ATP8A2: variants seen among roughly 807,000 people sequenced by gnomAD.
ATP8A2 encodes the protein phospholipid-transporting ATPase IB.
In ATP8A2, 100 loss-of-function variants were observed where a neutral mutation model predicts 165.6. The ratio of observed to expected loss-of-function variants is 0.60; its 90% CI spans 0.51 to 0.71. ATP8A2 has a LOEUF of 0.71. ATP8A2 is among the 30% of genes least tolerant of loss of function. ATP8A2 has a pLI of 0.00. For missense variants in ATP8A2, 1,227 were observed against 1,479.5 expected (o/e 0.83, Z 2.80); for synonymous variants, 543 against 548.8 (o/e 0.99, Z 0.15).
chr13:25,808,365 G>GA (rs1203162062), intron 27 of ATP8A2, among the ~76,000 whole-genome samples: 1 of 151,924 alleles, frequency 6.6e-6, no homozygotes, highest in Non-Finnish European at 1.5e-5. Flanking sequence ...TTGGGAGGCC[G>GA]AGGAAGGCAG....
chr13:25,647,925 G>C (rs1055358438), intron 24 of ATP8A2, among the ~76,000 whole-genome samples: 1 of 151,968 alleles, frequency 6.6e-6, no homozygotes, highest in Non-Finnish European at 1.5e-5. Context: ...CTGACCTCAG[G>C]TGGTTTGCCT....
intron 16 of ATP8A2, 73 bp downstream of exon 16, chr13:25,564,104 A>G: frequency 2.7e-6 from 3 of 1,108,302 alleles, no homozygotes; most frequent in Non-Finnish European, 2.8e-6. Flanking sequence ...TGCATGTAGT[A>G]TTTTGCAAGT....
intron 30 of ATP8A2, among the ~76,000 whole-genome samples, chr13:25,842,269 T>C (rs1301739982): frequency 1.3e-5 from 2 of 151,818 alleles, no homozygotes; most frequent in Non-Finnish European, 2.9e-5. Context: ...TCAAGCAAAG[T>C]GGGGAAATCA....
At chr13:25,806,120 T>C (rs1249422394) in intron 27 of ATP8A2, among the ~76,000 whole-genome samples, 1 of 152,220 alleles carries the variant, frequency 6.6e-6, no homozygotes, top group East Asian at 1.9e-4. Context: ...GCAGCATGTA[T>C]CCTGAGGTTT....
intron 10 of ATP8A2, among the ~76,000 whole-genome samples, chr13:25,550,722 T>C (rs1021349900): frequency 6.6e-6 from 1 of 152,224 alleles, no homozygotes; most frequent in African/African-American, 2.4e-5. Flanking sequence ...AGGCCCTTCC[T>C]GACTCTTCTT....
At chr13:25,888,476 G>T (rs1953241803) in intron 33 of ATP8A2, among the ~76,000 whole-genome samples, 1 of 152,212 alleles carries the variant, frequency 6.6e-6, no homozygotes, top group African/African-American at 2.4e-5. Context: ...TGGGCAGTAT[G>T]CAGTAACTAA....
intron 30 of ATP8A2, among the ~76,000 whole-genome samples, chr13:25,857,707 A>T (rs975949390): frequency 6.6e-6 from 1 of 151,520 alleles, no homozygotes; most frequent in Non-Finnish European, 1.5e-5. Flanking sequence ...AGTAGCTGGC[A>T]ATTCAGGCAG....
chr13:25,969,472 AAATC>A (rs1955865742), intron 35 of ATP8A2, among the ~76,000 whole-genome samples: 1 of 152,258 alleles, frequency 6.6e-6, no homozygotes, highest in Non-Finnish European at 1.5e-5. Flanking sequence ...GCTTAGAAGG[AAATC>A]AGTAACCAAC....
At chr13:25,442,216 A>G (rs2034950152) in intron 1 of ATP8A2, among the ~76,000 whole-genome samples, 1 of 152,186 alleles carries the variant, frequency 6.6e-6, no homozygotes, top group South Asian at 2.1e-4. Context: ...GTGTACAAAT[A>G]TATCTTTGAA....
At chr13:25,553,644 G>T (rs1237130537) in intron 11 of ATP8A2, 149 bp from the exon 12 acceptor site, 2 of 723,298 alleles carry the variant, frequency 2.8e-6, no homozygotes, top group Non-Finnish European at 4.7e-6. Context: ...GCATTGTGGG[G>T]CCTGTGTGCC....
intron 24 of ATP8A2, among the ~76,000 whole-genome samples, chr13:25,667,726 G>A (rs1259946489): frequency 6.6e-6 from 1 of 151,712 alleles, no homozygotes; most frequent in East Asian, 1.9e-4. Context: ...AACCTTTTAT[G>A]CCTGGCTGCT....
intron 33 of ATP8A2, among the ~76,000 whole-genome samples, chr13:25,943,874 C>T (rs1369197288): frequency 1.3e-5 from 2 of 152,160 alleles, no homozygotes; most frequent in Non-Finnish European, 2.9e-5. Flanking sequence ...TGCTTTATTG[C>T]GTAATGATGC....
rs563299715 is a variant in ATP8A2, at chr13:25,473,618, T to G, written c.221+4497T>G. On this transcript the variant is annotated intron_variant, in intron 2 of 36. Transcript: ENST00000381655. ...TGTGCAACTATCATCACAGTCAATTTTGGAACATTTTCATCACCTCCAAAA... is the reference window on the plus strand; with the variant it reads ...TGTGCAACTATCATCACAGTCAATTGTGGAACATTTTCATCACCTCCAAAA... Among the ~76,000 whole-genome samples the G allele has an allele frequency of 3.3e-5, 5 of 152,286 alleles. No individual in the cohort carries two copies. In the South Asian group the frequency reaches 1.0e-3, roughly 32 times the overall value.
intron 35 of ATP8A2, among the ~76,000 whole-genome samples, chr13:26,011,344 CAT>C (rs2139353274): frequency 6.6e-6 from 1 of 152,318 alleles, no homozygotes; most frequent in South Asian, 2.1e-4. Flanking sequence ...CCTGTGTCCT[CAT>C]CTCCTCTTCT....
intron 27 of ATP8A2, among the ~76,000 whole-genome samples, chr13:25,781,541 T>C (rs1026861814): frequency 2.6e-5 from 4 of 152,144 alleles, no homozygotes; most frequent in African/African-American, 4.8e-5. Flanking sequence ...CAGGCTGGAA[T>C]GCAGTAGTGC....
chr13:25,937,624 C>T (rs112999856), intron 33 of ATP8A2, among the ~76,000 whole-genome samples: 2,360 of 150,582 alleles, frequency 0.016, 58 homozygotes, highest in African/African-American at 0.05. Context: ...CTGAGGCTGG[C>T]GGATCACGAG....
At chr13:25,912,333 C>T (rs947240530) in intron 33 of ATP8A2, among the ~76,000 whole-genome samples, 2 of 152,014 alleles carry the variant, frequency 1.3e-5, no homozygotes, top group Non-Finnish European at 1.5e-5. Flanking sequence ...CATGTGAAAT[C>T]TAAAACAATC....
At chr13:25,507,212 C>G (rs1174999509) in intron 2 of ATP8A2, among the ~76,000 whole-genome samples, 1 of 137,848 alleles carries the variant, frequency 7.3e-6, no homozygotes, top group African/African-American at 2.8e-5. Flanking sequence ...TGTGCTGGTA[C>G]CATTCTTTGT....
intron 2 of ATP8A2, among the ~76,000 whole-genome samples, chr13:25,494,007 C>G (rs549860881): frequency 6.6e-6 from 1 of 152,004 alleles, no homozygotes; most frequent in Non-Finnish European, 1.5e-5. Context: ...CACGTCCACT[C>G]TAAAGCTTCA....
Sources: allele counts gnomAD v4.1 joint callset (sites outside exome capture counted in the v4.1 genomes callset), GRCh38; gene constraint gnomAD v4.1.1; transcripts MANE v1.5; gene names NCBI Gene and HGNC (gene_info 2026-07-23, HGNC 2026-07-21).